Variants in GALNT13 observed in about 807,000 individuals in gnomAD.
GALNT13 encodes the protein polypeptide N-acetylgalactosaminyltransferase 13, also known as UDP-GalNAc:polypeptide N-acetylgalactosaminyltransferase 13.
GALNT13 carries 28 observed loss-of-function variants against 64.2 expected under a neutral mutation model. The ratio of observed to expected loss-of-function variants is 0.44; its 90% confidence interval spans 0.32 to 0.60. The LOEUF (loss-of-function observed/expected upper bound fraction) is 0.60. GALNT13 is among the 20% of genes least tolerant of loss of function. The probability of loss-of-function intolerance (pLI) is 0.05; values close to 1 mark genes in which losing one functional copy is unlikely to be tolerated. For missense variants in GALNT13, 577 were observed against 669.8 expected, an observed-to-expected ratio of 0.86 and a Z score of 1.53; for synonymous variants, 214 against 224.6, an observed-to-expected ratio of 0.95 and a Z score of 0.42.
intron 4 of GALNT13, among the ~76,000 whole-genome samples, chr2:154,206,376 G>C (rs1297399736): frequency 6.6e-6 from 1 of 152,046 alleles, no homozygotes; most frequent in Non-Finnish European, 1.5e-5. Flanking sequence ...TATATCTAGA[G>C]AGAAAGAGAC....
intron 2 of GALNT13, among the ~76,000 whole-genome samples, chr2:153,910,724 A>G (rs777822273): frequency 6.6e-6 from 1 of 151,990 alleles, no homozygotes; most frequent in African/African-American, 2.4e-5. Flanking sequence ...GTTAATTTCC[A>G]TGTAATTGTA....
At chr2:153,195,580 A>G in the GALNT13 span, among the ~76,000 whole-genome samples, 1 of 152,168 alleles carries the variant, frequency 6.6e-6, no homozygotes, top group African/African-American at 2.4e-5. Context: ...GACACCGGGA[A>G]CTGCAGGGCC....
the GALNT13 span, among the ~76,000 whole-genome samples, chr2:153,418,005 G>A: frequency 6.6e-6 from 1 of 152,192 alleles, no homozygotes; most frequent in Non-Finnish European, 1.5e-5. Flanking sequence ...CAGCAAGAGA[G>A]AATGTGGTAG....
At chr2:154,359,779 C>T (rs1696957453) in intron 9 of GALNT13, among the ~76,000 whole-genome samples, 1 of 152,058 alleles carries the variant, frequency 6.6e-6, no homozygotes, top group Non-Finnish European at 1.5e-5. Context: ...TTGTACAAGC[C>T]TAGCTTGAAA....
the GALNT13 span, among the ~76,000 whole-genome samples, chr2:153,357,982 A>G: frequency 1.3e-5 from 2 of 152,230 alleles, no homozygotes; most frequent in Non-Finnish European, 2.9e-5. Context: ...TGATGGAACT[A>G]CATACTCATA....
the GALNT13 span, among the ~76,000 whole-genome samples, chr2:153,403,419 A>C: frequency 6.6e-6 from 1 of 152,266 alleles, no homozygotes; most frequent in East Asian, 1.9e-4. Flanking sequence ...GAGCCTACAG[A>C]GGCAGGCAGG....
At chr2:154,278,278 T>C (rs1010856403) in intron 8 of GALNT13, among the ~76,000 whole-genome samples, 1 of 152,206 alleles carries the variant, frequency 6.6e-6, no homozygotes, top group Non-Finnish European at 1.5e-5. Flanking sequence ...TCTATTTGGA[T>C]AGTAATTAGA....
chr2:154,339,528 G>T (rs1002890450), intron 9 of GALNT13, among the ~76,000 whole-genome samples: 4 of 152,108 alleles, frequency 2.6e-5, no homozygotes, highest in Admixed American at 6.6e-5. Context: ...GAAGGAAATT[G>T]CTGGAATTTT....
chr2:154,128,627 A>G (rs1184807409), intron 3 of GALNT13, among the ~76,000 whole-genome samples: 12 of 152,138 alleles, frequency 7.9e-5, no homozygotes, highest in Non-Finnish European at 1.6e-4. Flanking sequence ...AAACATAAAC[A>G]TAAGGGGTGA....
At chr2:153,838,387 A>T in the GALNT13 span, among the ~76,000 whole-genome samples, 1 of 151,916 alleles carries the variant, frequency 6.6e-6, no homozygotes, top group East Asian at 1.9e-4. Context: ...TTCAAACCCT[A>T]TATTTAAGTC....
the GALNT13 span, among the ~76,000 whole-genome samples, chr2:153,190,302 G>A: frequency 2.0e-5 from 3 of 151,982 alleles, no homozygotes; most frequent in African/African-American, 4.8e-5. Flanking sequence ...TCTGCATATG[G>A]ATATCCAGTT....
At chr2:153,964,361 A>G (rs1034937745) in intron 3 of GALNT13, among the ~76,000 whole-genome samples, 1 of 152,208 alleles carries the variant, frequency 6.6e-6, no homozygotes, top group Non-Finnish European at 1.5e-5. Flanking sequence ...AGGCACAAGA[A>G]TCACTTGAAC....
intron 3 of GALNT13, among the ~76,000 whole-genome samples, chr2:154,072,108 A>C (rs752255272): frequency 3.9e-5 from 6 of 152,156 alleles, no homozygotes; most frequent in Non-Finnish European, 7.4e-5. Flanking sequence ...GTACCACATG[A>C]TAAAACTATG....
At chr2:153,713,632 G>A in the GALNT13 span, among the ~76,000 whole-genome samples, 4 of 152,082 alleles carry the variant, frequency 2.6e-5, no homozygotes, top group Non-Finnish European at 2.9e-5. Context: ...ACAGGTGTAC[G>A]CCACCACACC....
the GALNT13 span, among the ~76,000 whole-genome samples, chr2:153,422,855 C>T: frequency 2.6e-5 from 4 of 151,622 alleles, no homozygotes; most frequent in East Asian, 1.9e-4. Flanking sequence ...ACGACAAAAA[C>T]GACAATAACA....
intron 1 of GALNT13, among the ~76,000 whole-genome samples, chr2:153,883,634 TG>T (rs1467413106): frequency 2.0e-5 from 3 of 152,076 alleles, no homozygotes; most frequent in Non-Finnish European, 4.4e-5. Context: ...TGTTTCAACC[TG>T]GTATAGGATT....
the GALNT13 span, among the ~76,000 whole-genome samples, chr2:153,331,517 C>A: frequency 6.6e-6 from 1 of 152,182 alleles, no homozygotes; most frequent in South Asian, 2.1e-4. Flanking sequence ...CAAGGAGAAC[C>A]AGTCCGAGCC....
At chr2:153,588,569 G>A in the GALNT13 span, among the ~76,000 whole-genome samples, 1 of 152,146 alleles carries the variant, frequency 6.6e-6, no homozygotes, top group African/African-American at 2.4e-5. Flanking sequence ...GGGATGCAGG[G>A]CACCCTGAGT....
At chr2:153,884,988 G>A (rs772185648) in intron 1 of GALNT13, among the ~76,000 whole-genome samples, 3 of 149,492 alleles carry the variant, frequency 2.0e-5, no homozygotes, top group South Asian at 4.3e-4. Context: ...GCAGTGAGCC[G>A]AGATTGCACC....
Sources: allele counts gnomAD v4.1 joint callset (sites outside exome capture counted in the v4.1 genomes callset), GRCh38; gene constraint gnomAD v4.1.1; transcripts MANE v1.5; gene names NCBI Gene and HGNC (gene_info 2026-07-23, HGNC 2026-07-21).